ZMIZ1: variants seen among roughly 807,000 people sequenced by gnomAD.
ZMIZ1 encodes the protein zinc finger MIZ-type containing 1, also known as zinc finger MIZ domain-containing protein 1.
In ZMIZ1, 17 loss-of-function variants were observed where a neutral mutation model predicts 113.9. The ratio of observed to expected loss-of-function variants is 0.15; its 90% CI spans 0.10 to 0.22. The LOEUF (loss-of-function observed/expected upper bound fraction) is 0.22. Among genes scored for constraint, ZMIZ1 ranks in the 10% least tolerant of loss-of-function variants. The pLI is 1.00. For synonymous variants in ZMIZ1, 607 were observed against 603.1 expected (o/e 1.01, Z -0.09); for missense variants, 1,059 against 1,477.8 (o/e 0.72, Z 4.65).
intron 8 of ZMIZ1, among the ~76,000 whole-genome samples, chr10:79,279,315 G>A (rs1852539923): frequency 7.0e-6 from 1 of 141,988 alleles, no homozygotes; most frequent in Non-Finnish European, 1.5e-5. Context: ...ACACTCCTCA[G>A]TTCCCAGACG....
chr10:79,294,915 G>A (rs1448361302), intron 12 of ZMIZ1: 2 of 142,944 alleles, frequency 1.4e-5, no homozygotes, highest in East Asian at 2.2e-4. Context: ...ACAAGTGGAG[G>A]TATTCTGAGT....
At chr10:79,093,993 G>A (rs761801005) in intron 1 of ZMIZ1, among the ~76,000 whole-genome samples, 4 of 152,212 alleles carry the variant, frequency 2.6e-5, no homozygotes, top group African/African-American at 4.8e-5. Flanking sequence ...TGTAAAGGCC[G>A]CAGTGAGCAC....
At chr10:79,303,983 A>T in intron 18 of ZMIZ1, 32 bp from the exon 19 acceptor site, 2 of 1,612,552 alleles carry the variant, frequency 1.2e-6, no homozygotes, top group Non-Finnish European at 8.5e-7. Flanking sequence ...CTGTCTTGCC[A>T]TCCTCACCTG....
chr10:79,177,510 G>A (rs1846923960), intron 4 of ZMIZ1, among the ~76,000 whole-genome samples: 1 of 152,188 alleles, frequency 6.6e-6, no homozygotes, highest in African/African-American at 2.4e-5. Context: ...AGAAGGGCCG[G>A]GGGAGATCAG....
intron 4 of ZMIZ1, among the ~76,000 whole-genome samples, chr10:79,178,265 A>G (rs1192059034): frequency 6.6e-6 from 1 of 152,176 alleles, no homozygotes; most frequent in African/African-American, 2.4e-5. Flanking sequence ...TCGAGTGCTC[A>G]TGGCCGCCCT....
At chr10:79,192,034 C>A (rs985306250) in intron 4 of ZMIZ1, among the ~76,000 whole-genome samples, 1 of 152,200 alleles carries the variant, frequency 6.6e-6, no homozygotes, top group Non-Finnish European at 1.5e-5. Context: ...GCCCAAGGGG[C>A]CTTCTCCAGA....
chr10:79,252,419 C>T (rs1228990235), intron 7 of ZMIZ1, among the ~76,000 whole-genome samples: 1 of 152,106 alleles, frequency 6.6e-6, no homozygotes, highest in Non-Finnish European at 1.5e-5. Context: ...TCATCCCCTC[C>T]TCTCTCCCAG....
At chr10:79,137,748 C>T (rs1845066942) in intron 2 of ZMIZ1, among the ~76,000 whole-genome samples, 1 of 152,058 alleles carries the variant, frequency 6.6e-6, no homozygotes, top group East Asian at 1.9e-4. Context: ...CCATCTCTCT[C>T]CGAGAGGAGG....
chr10:79,137,644 T>C (rs770738667), intron 2 of ZMIZ1, among the ~76,000 whole-genome samples: 1 of 152,172 alleles, frequency 6.6e-6, no homozygotes, highest in Non-Finnish European at 1.5e-5. Context: ...AGACCCAGAA[T>C]GGTCCTTGCC....
At chr10:79,291,268 C>G (rs959093442) in intron 10 of ZMIZ1, 92 bp downstream of exon 10, 1 of 1,378,168 alleles carries the variant, frequency 7.3e-7, no homozygotes, top group African/African-American at 1.5e-5. Context: ...CAGCTCCACG[C>G]TTTCTGCCCT....
intron 24 of ZMIZ1, 28 bp from the exon 25 acceptor site, chr10:79,312,614 C>T (rs769752342): frequency 1.6e-5 from 26 of 1,612,858 alleles, no homozygotes; most frequent in Non-Finnish European, 2.0e-5. Flanking sequence ...CACACCTCAT[C>T]TGAACTTCAT....
At position 79,155,587 on chromosome 10, in the gene ZMIZ1, G is replaced by A. The variant is rs368261993; in HGVS notation, c.-130-6466G>A. 3.9e-4 allele frequency among the ~76,000 whole-genome samples: 59 copies of A among 152,332 alleles called. No homozygotes were observed. The East Asian group carries it at 5.2e-3, about 13-fold the overall frequency. On this transcript the variant is annotated intron_variant, in intron 3 of 24. Coordinates refer to ENST00000334512, the MANE Select transcript of ZMIZ1 (RefSeq NM_020338.4). ...AGCCAGGGCACGGCTGAGGCAGGAC[G>A]GGCAGAAGTCATTCCTGGGGCCTGG...
At chr10:79,276,973 T>C (rs561118005) in intron 7 of ZMIZ1, among the ~76,000 whole-genome samples, 2 of 152,290 alleles carry the variant, frequency 1.3e-5, no homozygotes, top group Admixed American at 6.5e-5. Flanking sequence ...ACAGAAACTT[T>C]TGTATCCTCC....
intron 1 of ZMIZ1, among the ~76,000 whole-genome samples, chr10:79,096,722 C>A (rs1427623835): frequency 6.6e-6 from 1 of 152,124 alleles, no homozygotes; most frequent in East Asian, 1.9e-4. Context: ...GGGTGCCAGC[C>A]CCCTGCTAGG....
At position 79,311,195 on chromosome 10, in the gene ZMIZ1, G is replaced by A; in HGVS notation, c.3096+11G>A. On this transcript the variant is annotated intron_variant, in intron 24 of 24. Coordinates refer to ENST00000334512, the MANE Select transcript of ZMIZ1 (RefSeq NM_020338.4). ...GAGCCTTCGCTGGATGTAAGTTGGG[G>A]TCGCCACTCGCCTTGGCCTGGGGCT... is the stretch of plus-strand genomic sequence containing the variant. 6.2e-7 allele frequency: 1 copy of A among 1,603,122 alleles called. No homozygotes were observed. The highest frequency in any genetic ancestry group is 8.5e-7 in the Non-Finnish European group (1 of 1,174,248).
In ZMIZ1 at chr10:79,233,963, G is replaced by A. The variant is rs560480209; in HGVS notation, c.280+17689G>A. Among the ~76,000 whole-genome samples the A allele has an allele frequency of 3.9e-5, 6 of 152,206 alleles. No individual in the cohort carries two copies. The South Asian group carries it at 8.3e-4, about 21-fold the overall frequency. On this transcript the variant is annotated intron_variant, in intron 7 of 24. Coordinates refer to ENST00000334512, the MANE Select transcript of ZMIZ1 (RefSeq NM_020338.4). ...TATATATGTCTTTAAGGGTCTTGCC[G>A]GGGGAGTCAGGCGAGAGCAACCCAG...
At chr10:79,104,977 G>A (rs1353232014) in intron 1 of ZMIZ1, among the ~76,000 whole-genome samples, 1 of 151,772 alleles carries the variant, frequency 6.6e-6, no homozygotes, top group Non-Finnish European at 1.5e-5. Flanking sequence ...GTGTGTGTGT[G>A]TGTGTGTGTG....
chr10:79,094,163 C>G (rs1332681251), intron 1 of ZMIZ1, among the ~76,000 whole-genome samples: 1 of 152,244 alleles, frequency 6.6e-6, no homozygotes, highest in Non-Finnish European at 1.5e-5. Flanking sequence ...GCTGGAAATG[C>G]CAAGGAACCC....
chr10:79,263,969 G>T (rs761780021), intron 7 of ZMIZ1, among the ~76,000 whole-genome samples: 2 of 152,164 alleles, frequency 1.3e-5, no homozygotes, highest in Non-Finnish European at 2.9e-5. Context: ...AAATTATGCA[G>T]GGAAGAAATT....
Sources: allele counts gnomAD v4.1 joint callset (sites outside exome capture counted in the v4.1 genomes callset), GRCh38; gene constraint gnomAD v4.1.1; transcripts MANE v1.5; gene names NCBI Gene and HGNC (gene_info 2026-07-23, HGNC 2026-07-21).